Variants in DENND2A observed in about 807,000 individuals in gnomAD.
DENND2A encodes DENN domain-containing protein 2A.
In DENND2A, 53 loss-of-function variants were observed where a neutral mutation model predicts 105.3. The ratio of observed to expected loss-of-function variants is 0.50; its 90% confidence interval spans 0.40 to 0.63. The LOEUF (loss-of-function observed/expected upper bound fraction) is 0.63, where lower values mean the gene tolerates loss of function less well. DENND2A is among the 30% of genes least tolerant of loss of function. DENND2A has a pLI of 0.00. For missense variants in DENND2A, 1,138 were observed against 1,279.6 expected, an observed-to-expected ratio of 0.89 and a Z score of 1.69; for synonymous variants, 522 against 508.4, an observed-to-expected ratio of 1.03 and a Z score of -0.36.
chr7:140,579,218 C>T (rs989126491), intron 5 of DENND2A, among the ~76,000 whole-genome samples: 4 of 151,260 alleles, frequency 2.6e-5, no homozygotes, highest in East Asian at 2.0e-4. Flanking sequence ...GCTTGAATCC[C>T]GGAGGCGGAG....
intron 14 of DENND2A, among the ~76,000 whole-genome samples, chr7:140,535,917 C>G (rs1300522125): frequency 6.6e-6 from 1 of 152,108 alleles, no homozygotes. Flanking sequence ...ACGATGAACC[C>G]AGAAGAGAGA....
chr7:140,625,812 A>G (rs1800502977), intron 1 of DENND2A, among the ~76,000 whole-genome samples: 15 of 152,248 alleles, frequency 9.9e-5, no homozygotes, highest in Admixed American at 9.8e-4. Flanking sequence ...CAAAATGTAT[A>G]TAACCTTGTG....
chr7:140,558,715 A>C (rs1797492959), intron 10 of DENND2A, among the ~76,000 whole-genome samples: 1 of 151,392 alleles, frequency 6.6e-6, no homozygotes, highest in Non-Finnish European at 1.5e-5. Flanking sequence ...AAAAAAAAAA[A>C]AAGTCAGTGA....
chr7:140,637,302 A>C (rs1392074316), intron 1 of DENND2A, among the ~76,000 whole-genome samples: 1 of 152,240 alleles, frequency 6.6e-6, no homozygotes, highest in Non-Finnish European at 1.5e-5. Flanking sequence ...TCCCACTCCT[A>C]CTGAATGTCA....
At chr7:140,597,663 A>C (rs186485669) in intron 3 of DENND2A, among the ~76,000 whole-genome samples, 6 of 152,348 alleles carry the variant, frequency 3.9e-5, no homozygotes, top group African/African-American at 1.4e-4. Context: ...GAGAAAAGAT[A>C]ATGGGAATAA....
In DENND2A at chr7:140,523,165, C is replaced by A; in HGVS notation, c.2665+142G>T. The A allele has an allele frequency of 1.3e-6, 1 of 764,892 alleles. No individual in the cohort carries two copies. The highest frequency in any genetic ancestry group is 2.2e-6 in the Non-Finnish European group (1 of 455,010). The allele number at this position is 764,892 out of a possible 1,614,324, so 47.4% of individuals were successfully genotyped here. On this transcript the variant is annotated intron_variant, in intron 17 of 19. Transcript: ENST00000496613. The surrounding 1 kb of genome is among the most constrained non-coding windows in gnomAD (Gnocchi z 4.5). ...CACAATTCACTGTGGGAATGAAATC[C>A]AGATAAACAGAATGAGGCCCTGGTT... is the stretch of plus-strand genomic sequence containing the variant.
intron 9 of DENND2A, among the ~76,000 whole-genome samples, chr7:140,560,303 T>C (rs1216989641): frequency 6.6e-6 from 1 of 152,114 alleles, no homozygotes; most frequent in South Asian, 2.1e-4. Context: ...TCATTGAGTG[T>C]TGGAACTAGA....
chr7:140,615,624 A>G (rs1284176613), intron 1 of DENND2A, among the ~76,000 whole-genome samples: 1 of 151,526 alleles, frequency 6.6e-6, no homozygotes, highest in East Asian at 1.9e-4. Context: ...TGCAGTCTCA[A>G]CCTTCCTGGT....
intron 14 of DENND2A, among the ~76,000 whole-genome samples, chr7:140,535,031 C>T (rs1382175068): frequency 3.3e-5 from 5 of 152,032 alleles, no homozygotes; most frequent in Admixed American, 3.3e-4. Context: ...TTCCTGGAGC[C>T]AACTTTTTAG....
chr7:140,602,065 A>G lies in DENND2A; in HGVS notation c.333T>C (p.Asn111=). ...PGTESTEKER[N]KGAVNVGGQD... ...GTCCCCCGACGTTCACTGCTCCTTT[A>G]TTCCTCTCCTTCTCTGTGCTCTCTG... is the stretch of plus-strand genomic sequence containing the variant. Residue 111 remains asparagine (N), a synonymous_variant, in exon 3 of 20, where the codon AAT becomes AAC. Transcript: ENST00000496613. 1 of 1,611,016 alleles carries G rather than the reference A, an allele frequency of 6.2e-7. No homozygotes were observed. Among genetic ancestry groups the G allele is most frequent in the Non-Finnish European group, 8.5e-7 (1 of 1,178,118 alleles).
chr7:140,601,469 G>A lies in DENND2A; in HGVS notation c.929C>T (p.Ser310Phe). The change falls in exon 3 of 20, where the codon TCT becomes TTT. Residue 310 changes from serine (S) to phenylalanine (F), a missense_variant. Physicochemically the swap from Ser to Phe is radical, Grantham distance 155. This residue lies in a region of DENND2A where 511 missense variants were observed against 499.9 expected (regional missense o/e 1.02). Coordinates refer to ENST00000496613, the MANE Select transcript of DENND2A (RefSeq NM_015689.5). ...TCTGTTCACAGAGGAAGGTGGGGGA[G>A]AGGAGGGCAGAGGCGGGGGAGGTAG... ...PSLPPPPLPS[S>F]PPPSSVNRRL... is the part of the protein sequence containing the mutation. The A allele has an allele frequency of 6.2e-7, 1 of 1,613,966 alleles. No homozygotes were observed. The highest frequency in any genetic ancestry group is 8.5e-7 in the Non-Finnish European group (1 of 1,179,932).
chr7:140,625,301 C>T (rs1188524530), intron 1 of DENND2A, among the ~76,000 whole-genome samples: 6 of 151,370 alleles, frequency 4.0e-5, no homozygotes, highest in Non-Finnish European at 2.9e-5. Context: ...CACTTGAGCC[C>T]GGGACACAGA....
chr7:140,548,754 C>T (rs567682208), intron 12 of DENND2A, among the ~76,000 whole-genome samples: 32 of 151,240 alleles, frequency 2.1e-4, no homozygotes, highest in Admixed American at 3.9e-4. Flanking sequence ...GCTGGGATTA[C>T]AGGCATGCAC....
In DENND2A at chr7:140,640,043, C is replaced by T. The variant is rs1471146102; in HGVS notation, c.-248+461G>A. Among the ~76,000 whole-genome samples, 1 of 152,262 alleles carries T rather than the reference C, an allele frequency of 6.6e-6. No homozygotes were observed. The highest frequency in any genetic ancestry group is 1.5e-5 in the Non-Finnish European group (1 of 68,050). On this transcript the variant is annotated intron_variant, in intron 1 of 19. Transcript: ENST00000496613. This position sits in a 1 kb window ranked among gnomAD's most constrained non-coding sequence, Gnocchi z 4.9. Reference sequence around the variant, plus strand: ...TTCCCAAGACTGCAAATGCTGACCGCTGTGAGGGGGGCCCGGCTGCTCAGC... The same window carrying T: ...TTCCCAAGACTGCAAATGCTGACCGTTGTGAGGGGGGCCCGGCTGCTCAGC...
At chr7:140,568,316 A>G (rs1797958353) in intron 8 of DENND2A, among the ~76,000 whole-genome samples, 1 of 152,180 alleles carries the variant, frequency 6.6e-6, no homozygotes, top group Non-Finnish European at 1.5e-5. Flanking sequence ...GGCCTAGACT[A>G]TTTAATTTTA....
At chr7:140,636,679 C>T (rs1007151068) in intron 1 of DENND2A, among the ~76,000 whole-genome samples, 2 of 150,212 alleles carry the variant, frequency 1.3e-5, no homozygotes, top group South Asian at 2.1e-4. Context: ...ATCTCCCTCC[C>T]CAGCCTTTTT....
At chr7:140,609,465 A>G (rs1305813839) in intron 1 of DENND2A, among the ~76,000 whole-genome samples, 2 of 152,188 alleles carry the variant, frequency 1.3e-5, no homozygotes, top group African/African-American at 2.4e-5. Flanking sequence ...GTAAGCCGAG[A>G]TCGCCCCACT....
intron 1 of DENND2A, among the ~76,000 whole-genome samples, chr7:140,608,300 C>T (rs1799765129): frequency 6.6e-6 from 1 of 152,176 alleles, no homozygotes; most frequent in African/African-American, 2.4e-5. Context: ...AGCAATCAGT[C>T]CACCAGCATT....
chr7:140,591,364 A>T (rs1799011061), intron 3 of DENND2A, among the ~76,000 whole-genome samples: 2 of 152,230 alleles, frequency 1.3e-5, no homozygotes, highest in South Asian at 4.1e-4. Context: ...AAAACGATTC[A>T]TCAAAAGGTT....
Sources: allele counts gnomAD v4.1 joint callset (sites outside exome capture counted in the v4.1 genomes callset), GRCh38; gene constraint gnomAD v4.1.1; regional missense constraint gnomAD v4.1.1; non-coding constraint Gnocchi (gnomAD v3.1); transcripts MANE v1.5; gene names NCBI Gene and HGNC (gene_info 2026-07-23, HGNC 2026-07-21).